CLIP2: variants seen among roughly 807,000 people sequenced by gnomAD.
The protein encoded by CLIP2 is CAP-Gly domain-containing linker protein 2.
Under a neutral mutation model 111.7 loss-of-function variants are expected in CLIP2, and 41 were observed. The observed-to-expected ratio is 0.37, with a 90% confidence interval of 0.29 to 0.48. The LOEUF is 0.48. Among genes scored for constraint, CLIP2 ranks in the 20% least tolerant of loss-of-function variants. The pLI is 0.99. For missense variants in CLIP2, 1,160 were observed against 1,422.1 expected (o/e 0.82, Z 2.96); for synonymous variants, 660 against 644.2 (o/e 1.02, Z -0.37).
intron 3 of CLIP2, among the ~76,000 whole-genome samples, chr7:74,339,507 T>C (rs1789594057): frequency 6.6e-6 from 1 of 152,014 alleles, no homozygotes; most frequent in African/African-American, 2.4e-5. Flanking sequence ...GGTTTCACCA[T>C]GTTGACCAGA....
intron 2 of CLIP2, among the ~76,000 whole-genome samples, chr7:74,336,847 GTTTGTTTTT>G (rs1789477822): frequency 8.5e-5 from 2 of 23,492 alleles, no homozygotes; most frequent in Non-Finnish European, 4.4e-4. Context: ...TACTATGGTT[GTTTGTTTTT>G]TTTGTTTTTT....
At chr7:74,377,111 C>T (rs533625486) in intron 10 of CLIP2, among the ~76,000 whole-genome samples, 4 of 152,214 alleles carry the variant, frequency 2.6e-5, no homozygotes, top group East Asian at 3.9e-4. Context: ...GTGCAGAGGA[C>T]GGGCTTTGAT....
At chr7:74,393,712 C>T (rs896073924) in intron 13 of CLIP2, among the ~76,000 whole-genome samples, 18 of 152,146 alleles carry the variant, frequency 1.2e-4, no homozygotes, top group Admixed American at 7.9e-4. Context: ...AGAAATGCTA[C>T]CTCCTTTCCT....
At chr7:74,360,477 C>T (rs1270404529) in intron 7 of CLIP2, among the ~76,000 whole-genome samples, 199 bp downstream of exon 7, 1 of 152,156 alleles carries the variant, frequency 6.6e-6, no homozygotes, top group Non-Finnish European at 1.5e-5. Context: ...CTGTCTTCTG[C>T]AGGCAGTTGG....
At chr7:74,316,107 C>T (rs1355856926) in intron 1 of CLIP2, among the ~76,000 whole-genome samples, 2 of 150,048 alleles carry the variant, frequency 1.3e-5, no homozygotes, top group African/African-American at 4.9e-5. Flanking sequence ...TGTCCAGCTC[C>T]GACTTACAAG....
intron 3 of CLIP2, among the ~76,000 whole-genome samples, chr7:74,344,595 G>A (rs1037692466): frequency 6.6e-6 from 1 of 151,800 alleles, no homozygotes; most frequent in Non-Finnish European, 1.5e-5. Context: ...AGAGATGGGG[G>A]TCTCGCTACA....
chr7:74,368,718 T>G (rs1457822031), intron 8 of CLIP2, among the ~76,000 whole-genome samples: 1 of 152,138 alleles, frequency 6.6e-6, no homozygotes, highest in Non-Finnish European at 1.5e-5. Context: ...CTGAATCTAG[T>G]CTTTTTTAAA....
At chr7:74,393,815 G>A (rs1250434111) in intron 13 of CLIP2, among the ~76,000 whole-genome samples, 3 of 152,172 alleles carry the variant, frequency 2.0e-5, no homozygotes, top group South Asian at 2.1e-4. Flanking sequence ...AAACAGATGC[G>A]ATGAGGCAAT....
At chr7:74,390,751 G>C (rs55714955) in intron 13 of CLIP2, among the ~76,000 whole-genome samples, 3 of 138,718 alleles carry the variant, frequency 2.2e-5, no homozygotes, top group African/African-American at 8.1e-5. Flanking sequence ...GGCGGGGTGG[G>C]GGGGGTGGGT....
chr7:74,339,152 T>C (rs1000277431), intron 3 of CLIP2, 148 bp downstream of exon 3: 2 of 677,510 alleles, frequency 3.0e-6, no homozygotes, highest in Middle Eastern at 4.1e-4. Context: ...ACCCATTCCT[T>C]ATCAGGACCA....
Position 74,404,843 on chromosome 7 carries a change from G to C in CLIP2, c.*995G>C, listed in dbSNP as rs782585295. 6.6e-6 allele frequency: 1 copy of C among 152,148 alleles called. No individual in the cohort carries two copies. Among genetic ancestry groups the C allele is most frequent in the Non-Finnish European group, 1.5e-5 (1 of 68,060 alleles). The allele number at this position is 152,148 out of a possible 1,614,324, so 9.4% of individuals were successfully genotyped here. On this transcript the variant is annotated 3_prime_UTR_variant, in exon 17 of 17. Transcript: ENST00000223398. ...GTGCACGCATGACCGTGTGGGTGGC[G>C]GCGTTTGCTGTGAACCACGCTCAGG...
chr7:74,393,816 A>G (rs1204217104), intron 13 of CLIP2, among the ~76,000 whole-genome samples: 1 of 152,200 alleles, frequency 6.6e-6, no homozygotes, highest in Non-Finnish European at 1.5e-5. Flanking sequence ...AACAGATGCG[A>G]TGAGGCAATC....
intron 1 of CLIP2, among the ~76,000 whole-genome samples, chr7:74,314,040 G>A (rs1467593848): frequency 6.6e-6 from 1 of 151,736 alleles, no homozygotes; most frequent in Non-Finnish European, 1.5e-5. Flanking sequence ...AAAATTAGCC[G>A]GGCCTGGTGG....
intron 7 of CLIP2, among the ~76,000 whole-genome samples, chr7:74,363,190 G>A (rs1162465094): frequency 6.6e-6 from 1 of 152,018 alleles, no homozygotes; most frequent in Non-Finnish European, 1.5e-5. Context: ...TTTTAGTAGA[G>A]ACAGTTTCTC....
chr7:74,372,921 G>T lies in CLIP2; in HGVS notation c.1381-11G>T. ...CCCACCCCCCCACCGTGTCCACCCT[G>T]GGTGGACCAGACCCAGACGCAGCTG... is the stretch of plus-strand genomic sequence containing the variant. On this transcript the variant is annotated splice_polypyrimidine_tract_variant and intron_variant, in intron 8 of 16. Transcript: ENST00000223398. 1.0e-6 allele frequency: 1 copy of T among 978,932 alleles called. No homozygotes were observed. 60.6% of individuals were successfully genotyped at this position (978,932 alleles called of 1,614,324 possible). A position where few individuals can be genotyped will look rare whatever the true frequency, so the allele number is the denominator to read the frequency against.
Position 74,404,011 on chromosome 7 carries a change from C to A in CLIP2, c.*163C>A. 1.3e-6 allele frequency: 1 copy of A among 756,802 alleles called. No homozygotes were observed. The highest frequency in any genetic ancestry group is 2.3e-6 in the Non-Finnish European group (1 of 436,748). 46.9% of individuals were successfully genotyped at this position (756,802 alleles called of 1,614,324 possible). On this transcript the variant is annotated 3_prime_UTR_variant, in exon 17 of 17. Coordinates refer to ENST00000223398, the MANE Select transcript of CLIP2 (RefSeq NM_003388.5). ...CGCGGACAATCCCCCACCCCGATCCCTCGCCAGACCAGGACGCTTCCTCAA... is the reference window on the plus strand; with the variant it reads ...CGCGGACAATCCCCCACCCCGATCCATCGCCAGACCAGGACGCTTCCTCAA...
At chr7:74,313,531 G>A (rs1488472912) in intron 1 of CLIP2, among the ~76,000 whole-genome samples, 1 of 151,474 alleles carries the variant, frequency 6.6e-6, no homozygotes, top group Non-Finnish European at 1.5e-5. Flanking sequence ...CTGCACTCCA[G>A]CCTGGGCGAC....
intron 2 of CLIP2, among the ~76,000 whole-genome samples, chr7:74,329,401 T>C (rs922143182): frequency 4.6e-5 from 7 of 152,046 alleles, no homozygotes; most frequent in Non-Finnish European, 8.8e-5. Context: ...GGTTTGAATG[T>C]TAAATCATGT....
At chr7:74,319,680 G>T (rs901132956) in intron 2 of CLIP2, among the ~76,000 whole-genome samples, 2 of 151,860 alleles carry the variant, frequency 1.3e-5, no homozygotes, top group Non-Finnish European at 2.9e-5. Flanking sequence ...AATTAGCCAG[G>T]CATGGTAGTG....
Sources: allele counts gnomAD v4.1 joint callset (sites outside exome capture counted in the v4.1 genomes callset), GRCh38; gene constraint gnomAD v4.1.1; transcripts MANE v1.5; gene names NCBI Gene and HGNC (gene_info 2026-07-23, HGNC 2026-07-21).